The following PDE1C variants were observed in gnomAD, a reference collection of about 807,000 sequenced individuals.
PDE1C encodes dual specificity calcium/calmodulin-dependent 3',5'-cyclic nucleotide phosphodiesterase 1C.
In PDE1C, 62 loss-of-function variants were observed where a neutral mutation model predicts 93.1. That is an observed-to-expected ratio of 0.67 (90% CI 0.54 to 0.82). The LOEUF (loss-of-function observed/expected upper bound fraction) is 0.82. Ranked by LOEUF, PDE1C falls within the 40% of genes least tolerant of loss-of-function variation. The pLI, the probability that PDE1C is intolerant of heterozygous loss-of-function variation, is 0.00. For synonymous variants in PDE1C, 325 were observed against 310.1 expected, an observed-to-expected ratio of 1.05 and a Z score of -0.50; for missense variants, 742 against 884.6, an observed-to-expected ratio of 0.84 and a Z score of 2.04.
intron 3 of PDE1C, among the ~76,000 whole-genome samples, chr7:32,150,149 G>A (rs1801150922): frequency 6.6e-6 from 1 of 152,180 alleles, no homozygotes; most frequent in African/African-American, 2.4e-5. Flanking sequence ...AACTATCAGA[G>A]CAGAGCTGCT....
chr7:32,361,034 G>A (rs564170014), intron 1 of PDE1C, among the ~76,000 whole-genome samples: 1 of 152,342 alleles, frequency 6.6e-6, no homozygotes, highest in South Asian at 2.1e-4. Flanking sequence ...ATGGAGGAAA[G>A]GGGAGGATGG....
chr7:31,723,296 C>T, the PDE1C span, among the ~76,000 whole-genome samples: 1 of 152,188 alleles, frequency 6.6e-6, no homozygotes, highest in African/African-American at 2.4e-5. Context: ...CCTCAGGTAC[C>T]TTCCACTTTT....
chr7:32,087,041 A>G (rs2128742256), intron 3 of PDE1C, among the ~76,000 whole-genome samples: 1 of 152,248 alleles, frequency 6.6e-6, no homozygotes, highest in Non-Finnish European at 1.5e-5. Flanking sequence ...GCACAGCAAA[A>G]GAAACTACCA....
intron 3 of PDE1C, among the ~76,000 whole-genome samples, chr7:32,123,280 G>A (rs1254624500): frequency 1.3e-5 from 2 of 152,004 alleles, no homozygotes; most frequent in African/African-American, 4.8e-5. Flanking sequence ...TTCTAGCAGA[G>A]GTACAAAAAG....
chr7:32,179,164 G>C (rs1803208916), intron 2 of PDE1C, among the ~76,000 whole-genome samples: 1 of 151,898 alleles, frequency 6.6e-6, no homozygotes, highest in African/African-American at 2.4e-5. Flanking sequence ...GCTTAGTGTA[G>C]ATCACGCAGA....
intron 1 of PDE1C, among the ~76,000 whole-genome samples, chr7:32,286,089 G>A (rs1474050391): frequency 2.6e-5 from 4 of 152,164 alleles, no homozygotes; most frequent in African/African-American, 4.8e-5. Context: ...AGGAATGAGC[G>A]GTTGTTTGAG....
At chr7:31,988,275 G>A (rs1783676494) in intron 2 of PDE1C, among the ~76,000 whole-genome samples, 1 of 152,200 alleles carries the variant, frequency 6.6e-6, no homozygotes. Context: ...ACAGTAAAGA[G>A]CACCTTCATC....
chr7:32,418,523 TA>T (rs1226876248), intron 1 of PDE1C, among the ~76,000 whole-genome samples: 3 of 152,108 alleles, frequency 2.0e-5, no homozygotes, highest in South Asian at 4.1e-4. Flanking sequence ...TTTCAATCAT[TA>T]AAAAAAGTCA....
At chr7:31,936,130 T>TG (rs200577083) in intron 2 of PDE1C, among the ~76,000 whole-genome samples, 1 of 152,212 alleles carries the variant, frequency 6.6e-6, no homozygotes, top group Admixed American at 6.5e-5. Flanking sequence ...ATAAGTTTTT[T>TG]TCCAATCAAA....
intron 3 of PDE1C, among the ~76,000 whole-genome samples, chr7:32,152,470 CT>C (rs985553788): frequency 6.6e-6 from 1 of 152,292 alleles, no homozygotes; most frequent in Admixed American, 6.5e-5. Context: ...TAAGTAGTCA[CT>C]TCAAAGCTGT....
intron 2 of PDE1C, among the ~76,000 whole-genome samples, chr7:31,938,108 T>C (rs901980200): frequency 2.0e-5 from 3 of 152,124 alleles, no homozygotes; most frequent in African/African-American, 4.8e-5. Context: ...GCTTTCTGTA[T>C]AATTACTCAC....
intron 11 of PDE1C, among the ~76,000 whole-genome samples, chr7:31,830,774 C>T (rs141631003): frequency 6.6e-6 from 1 of 152,308 alleles, no homozygotes; most frequent in African/African-American, 2.4e-5. Flanking sequence ...CTTATGCCTA[C>T]TTCTCCATGT....
At chr7:31,869,095 A>G (rs1158068845) in intron 6 of PDE1C, among the ~76,000 whole-genome samples, 5 of 152,132 alleles carry the variant, frequency 3.3e-5, no homozygotes, top group Admixed American at 3.3e-4. Context: ...TGAAAATGCA[A>G]AAGGAAAAAA....
chr7:31,780,738 T>TA (rs1160771259), intron 16 of PDE1C, among the ~76,000 whole-genome samples: 13 of 152,142 alleles, frequency 8.5e-5, no homozygotes, highest in Non-Finnish European at 1.8e-4. Flanking sequence ...ACACAGTTTT[T>TA]ATTATTTGTT....
Position 32,360,713 on chromosome 7 carries a change from G to A in PDE1C, c.310+67109C>T, listed in dbSNP as rs145761332. Among the ~76,000 whole-genome samples the A allele has an allele frequency of 1.6e-3, 243 of 152,332 alleles. 2 individuals carry two copies. The East Asian group carries it at 0.033, about 21-fold the overall frequency. Reference sequence around the variant, plus strand: ...GGGCCCTGCATTTTCATCATGCACTGAGCCCAGCAGATTATGAGGCTGGTC... The same window carrying A: ...GGGCCCTGCATTTTCATCATGCACTAAGCCCAGCAGATTATGAGGCTGGTC... On this transcript the variant is annotated intron_variant, in intron 1 of 1. Transcript: ENST00000672256.
intron 2 of PDE1C, among the ~76,000 whole-genome samples, chr7:31,966,512 A>G (rs2129041840): frequency 6.6e-6 from 1 of 150,504 alleles, no homozygotes; most frequent in Non-Finnish European, 1.5e-5. Context: ...TAATAATGGG[A>G]GACTTTAACA....
chr7:32,318,859 C>G (rs1022074782), intron 1 of PDE1C, among the ~76,000 whole-genome samples: 2 of 152,202 alleles, frequency 1.3e-5, no homozygotes, highest in Non-Finnish European at 2.9e-5. Context: ...GGCTGGGGCT[C>G]TGGCACTGGA....
rs5883321 is a variant in PDE1C at position 32,034,054 on chromosome 7, C to CTGTGTGTGTGTGTGTGTG, written c.128+17482_128+17499dup. On this transcript the variant is annotated intron_variant, in intron 2 of 17. Coordinates refer to ENST00000396191, the MANE Select transcript of PDE1C (RefSeq NM_001191057.4). ...TAATCAGTGGTAGTAAGATGAGAGA[C>CTGTGTGTGTGTGTGTGTG]TGTGTGTGTGTGTGTGTGTGTGTGT... Among the ~76,000 whole-genome samples, 272 of 148,498 alleles carry CTGTGTGTGTGTGTGTGTG rather than the reference C, an allele frequency of 1.8e-3. 1 individual carries two copies. Among genetic ancestry groups the CTGTGTGTGTGTGTGTGTG allele is most frequent in the African/African-American group, 6.7e-3 (266 of 39,882 alleles).
chr7:31,796,555 A>C (rs1169340817), intron 16 of PDE1C, among the ~76,000 whole-genome samples: 1 of 151,778 alleles, frequency 6.6e-6, no homozygotes, highest in Non-Finnish European at 1.5e-5. Flanking sequence ...GTTCTGATTC[A>C]CTATGACTCA....
Sources: gnomAD v4.1 joint callset for allele counts (sites outside exome capture counted in the v4.1 genomes callset) on GRCh38, gnomAD v4.1.1 for gene constraint, MANE v1.5 for transcripts, NCBI Gene and HGNC (gene_info 2026-07-23, HGNC 2026-07-21) for gene names.